KIF7: variants seen among roughly 807,000 people sequenced by gnomAD.
KIF7 encodes kinesin family member 7, also known as kinesin-like protein KIF7.
In KIF7, 104 loss-of-function variants were observed where a neutral mutation model predicts 135.7. That is an observed-to-expected ratio of 0.77 (90% CI 0.65 to 0.90). The LOEUF (loss-of-function observed/expected upper bound fraction) is 0.90, where lower values mean the gene tolerates loss of function less well. Among genes scored for constraint, KIF7 ranks in the 40% least tolerant of loss-of-function variants. KIF7 has a pLI of 0.00. For synonymous variants in KIF7, 883 were observed against 809.4 expected, an observed-to-expected ratio of 1.09 and a Z score of -1.54; for missense variants, 2,005 against 1,839.1, an observed-to-expected ratio of 1.09 and a Z score of -1.65.
chr15:89,623,984 G>T (rs376818212), downstream of KIF7: 1 of 1,613,904 alleles, frequency 6.2e-7, no homozygotes, highest in South Asian at 1.1e-5. Context: ...AGCCCCTCCT[G>T]TCCAGCCCCT....
downstream of KIF7, chr15:89,625,464 A>G: frequency 6.2e-7 from 1 of 1,613,950 alleles, no homozygotes; most frequent in South Asian, 1.1e-5. Context: ...TGCTTGAGTC[A>G]GAGGGCAAGG....
intron 11 of KIF7, among the ~76,000 whole-genome samples, chr15:89,634,332 G>T (rs1180035811): frequency 6.6e-6 from 1 of 152,176 alleles, no homozygotes; most frequent in Non-Finnish European, 1.5e-5. Flanking sequence ...AGCCAAGATG[G>T]CCGAATAGGA....
Position 89,628,696 on chromosome 15 carries a change from G to C in KIF7, c.3755C>G (p.Ser1252Cys), listed in dbSNP as rs546772749. The C allele has an allele frequency of 6.2e-7, 1 of 1,613,024 alleles. No homozygotes were observed. Among genetic ancestry groups the C allele is most frequent in the African/African-American group, 1.3e-5 (1 of 75,044 alleles). ...GCGGGGGGCCCCCTCAGTGAGGGGG[G>C]ACAGCCAGAGAAGCTCGGGTGCCAG... is the stretch of plus-strand genomic sequence containing the variant. ...LHLAPELLWL[S>C]PLTEGAPRTR... The change falls in exon 19 of 19, where the codon TCC becomes TGC. Residue 1252 changes from serine (S) to cysteine (C), a missense_variant. Transcript: ENST00000394412.
In KIF7 at chr15:89,648,954, G is replaced by A. The variant is rs1446807418; in HGVS notation, c.923+20C>T. The A allele has an allele frequency of 6.6e-7, 1 of 1,519,728 alleles. No individual in the cohort carries two copies. The allele number at this position is 1,519,728 out of a possible 1,614,324, so 94.1% of individuals were successfully genotyped here. A position where few individuals can be genotyped will look rare whatever the true frequency, so the allele number is the denominator to read the frequency against. ...GCCTCCCCGGCCCCCAGGCCACATA[G>A]GAGCCAGGGGGCAGCTCACCGGGTG... is the stretch of plus-strand genomic sequence containing the variant. On this transcript the variant is annotated intron_variant, in intron 4 of 18. Transcript: ENST00000394412.
At chr15:89,662,831 C>A in the KIF7 span, among the ~76,000 whole-genome samples, 1 of 152,178 alleles carries the variant, frequency 6.6e-6, no homozygotes, top group Non-Finnish European at 1.5e-5. Flanking sequence ...TTGTTACTGG[C>A]CAAGATGTGT....
chr15:89,621,418 A>C, intron 1 of KIF7: 1 of 1,605,576 alleles, frequency 6.2e-7, no homozygotes, highest in Non-Finnish European at 8.5e-7. Flanking sequence ...CTCCAGTCCA[A>C]AGTATTCGGT....
At chr15:89,622,431 T>A (rs1963441796) in intron 1 of KIF7, among the ~76,000 whole-genome samples, 1 of 152,182 alleles carries the variant, frequency 6.6e-6, no homozygotes, top group African/African-American at 2.4e-5. Flanking sequence ...TCTGAAACAT[T>A]CCTCTCAGTT....
In KIF7 at chr15:89,647,008, C is replaced by G; in HGVS notation, c.1610G>C (p.Arg537Pro). Reference protein sequence around the residue: ...QQEEMVELRLRLELVRPGWGG... With the variant: ...QQEEMVELRLPLELVRPGWGG... The stretch of plus-strand genomic sequence containing the variant: ...CCAGCCTGGCCGCACCAGCTCTAAC[C>G]GCAGCCGCAGTTCCACCATCTCCTC... Residue 537 changes from arginine to proline, a missense_variant, in exon 7 of 19, where the codon CGG (arginine) becomes CCG (proline). By Grantham distance (103) the Arg-to-Pro change is moderately radical. Transcript: ENST00000394412. 1 of 1,611,720 alleles carries G rather than the reference C, an allele frequency of 6.2e-7. No individual in the cohort carries two copies. Among genetic ancestry groups the G allele is most frequent in the Non-Finnish European group, 8.5e-7 (1 of 1,179,282 alleles).
Position 89,634,475 on chromosome 15 carries a change from G to A in KIF7, c.2395-592C>T, listed in dbSNP as rs190644437. ...GCGCAGGTCAGTGGGTGCGCGCACC[G>A]TGCGCGAGCCGAAGCAGGGCGAGGC... On this transcript the variant is annotated intron_variant, in intron 11 of 18. Transcript: ENST00000394412. 5.6e-3 allele frequency among the ~76,000 whole-genome samples: 855 copies of A among 152,296 alleles called. 3 individuals are homozygous for A. The highest frequency in any genetic ancestry group is 0.016 in the African/African-American group (653 of 41,566).
intron 8 of KIF7, 75 bp downstream of exon 8, chr15:89,645,818 G>A (rs374083759): frequency 3.3e-5 from 51 of 1,552,986 alleles, no homozygotes; most frequent in East Asian, 1.4e-4. Context: ...GAGAGGAGAC[G>A]GTGCGATCCC....
In KIF7 at chr15:89,648,616, G is replaced by C; in HGVS notation, c.1082C>G (p.Ala361Gly). The change falls in exon 5 of 19, where the codon GCC becomes GGC. Residue 361 changes from alanine to glycine, a missense_variant. Transcript: ENST00000394412. ...CGCCGTCTCTTCGGGTGGCCGCTCG[G>C]CCTCGGGCCGCCAGTTGACCGTGGC... Reference protein sequence around the residue: ...NRATVNWRPEAERPPEETASG... With the variant: ...NRATVNWRPEGERPPEETASG... 1 of 1,534,058 alleles carries C rather than the reference G, an allele frequency of 6.5e-7. No individual in the cohort carries two copies. The highest frequency in any genetic ancestry group is 8.7e-7 in the Non-Finnish European group (1 of 1,145,392).
In KIF7 at chr15:89,645,912, G is replaced by A. The variant is rs150543610; in HGVS notation, c.1903C>T (p.Arg635Trp). 143 of 1,613,404 alleles carry A rather than the reference G, an allele frequency of 8.9e-5. No homozygotes were observed. The highest frequency in any genetic ancestry group is 2.9e-4 in the African/African-American group (22 of 74,906). ...EEEEEEEPPR[R>W]TLHLRRNRIS... ...ACTCACCTGCGCAGGTGTAAGGTCC[G>A]CCTGGGCGGCTCCTCCTCCTCCTCT... is the stretch of plus-strand genomic sequence containing the variant. Residue 635 changes from arginine (R) to tryptophan (W), a missense_variant, in exon 8 of 19, where the codon CGG becomes TGG. By Grantham distance (101) the Arg-to-Trp change is moderately radical. Coordinates refer to ENST00000394412, the MANE Select transcript of KIF7 (RefSeq NM_198525.3).
upstream of KIF7, among the ~76,000 whole-genome samples, chr15:89,656,356 ACT>A (rs1278926509): frequency 4.1e-5 from 6 of 146,692 alleles, no homozygotes; most frequent in Non-Finnish European, 5.9e-5. Flanking sequence ...GGCCTTTTTA[ACT>A]CTTTTTTTTT....
chr15:89,624,485 GA>G, downstream of KIF7: 1 of 1,614,128 alleles, frequency 6.2e-7, no homozygotes, highest in Non-Finnish European at 8.5e-7. Flanking sequence ...TCTGATCCCA[GA>G]AGGAGCATCG....
rs756750505 is a variant in KIF7 at position 89,628,538 on chromosome 15, G to T, written c.3913C>A (p.Arg1305=). The T allele has an allele frequency of 1.9e-6, 3 of 1,613,232 alleles. No individual in the cohort carries two copies. Among genetic ancestry groups the T allele is most frequent in the Non-Finnish European group, 2.5e-6 (3 of 1,179,956 alleles). Residue 1305 remains arginine, a synonymous_variant, in exon 19 of 19, where the codon CGG becomes AGG. Transcript: ENST00000394412. ...CCTGCCTCACCCACAGGAAGCACCC[G>T]CCCCACCAGGGGCTCAGCCGCCTCC... ...QREAAEPLVG[R]VLPVGEAGLP... is the part of the protein sequence containing the mutation.
intron 16 of KIF7, 73 bp downstream of exon 16, chr15:89,630,214 A>C: frequency 7.2e-7 from 1 of 1,396,458 alleles, no homozygotes. Context: ...TATCCGCTGG[A>C]GCAGCTGCCA....
Position 89,630,486 on chromosome 15 carries a change from C to G in KIF7, c.3119G>C (p.Arg1040Pro), listed in dbSNP as rs748595084. ...GGCCTCATCCAACTGGAACAGCGTC[C>G]GCTCCTCCTGCAGAGACGGGCACGC... ...QGSLLSPEEE[R>P]TLFQLDEAIE... Residue 1040 changes from arginine to proline, a missense_variant, in exon 16 of 19, where the codon CGG becomes CCG. Physicochemically the swap from Arg to Pro is moderately radical, Grantham distance 103. Coordinates refer to ENST00000394412, the MANE Select transcript of KIF7 (RefSeq NM_198525.3). 1 of 1,529,480 alleles carries G rather than the reference C, an allele frequency of 6.5e-7. No homozygotes were observed. Among genetic ancestry groups the G allele is most frequent in the Non-Finnish European group, 8.8e-7 (1 of 1,139,046 alleles). The allele number at this position is 1,529,480 out of a possible 1,614,324, so 94.7% of individuals were successfully genotyped here. A position where few individuals can be genotyped will look rare whatever the true frequency, so the allele number is the denominator to read the frequency against.
chr15:89,644,456 C>T (rs1015586675), intron 10 of KIF7, among the ~76,000 whole-genome samples: 4 of 151,854 alleles, frequency 2.6e-5, no homozygotes, highest in African/African-American at 9.7e-5. Flanking sequence ...GGGTGGATCA[C>T]CTGAGGTCAG....
Position 89,649,058 on chromosome 15 carries a change from A to G in KIF7, c.839T>C (p.Leu280Pro), listed in dbSNP as rs1567067749. Residue 280 changes from leucine (L) to proline (P), a missense_variant, in exon 4 of 19, where the codon CTG (leucine) becomes CCG (proline). By Grantham distance (98) the Leu-to-Pro change is moderately conservative (BLOSUM62 -3). Transcript: ENST00000394412. Reference protein sequence around the residue: ...KESIQINSSLLALGNVISALG... With the variant: ...KESIQINSSLPALGNVISALG... ...GGCGCTGATGACGTTGCCCAGCGCC[A>G]GGAGGCTGCTGTTGATCTGGATGCT... 2 of 1,548,210 alleles carry G rather than the reference A, an allele frequency of 1.3e-6. No homozygotes were observed. The highest frequency in any genetic ancestry group is 1.2e-5 in the South Asian group (1 of 84,048).
Sources: gnomAD v4.1 joint callset for allele counts (sites outside exome capture counted in the v4.1 genomes callset) on GRCh38, gnomAD v4.1.1 for gene constraint, MANE v1.5 for transcripts, NCBI Gene and HGNC (gene_info 2026-07-23, HGNC 2026-07-21) for gene names.